The following SYAP1 variants were observed in gnomAD, a reference collection of about 807,000 sequenced individuals.
SYAP1 encodes synapse associated protein 1.
A neutral mutation model predicts 29.6 loss-of-function variants in SYAP1; 3 were observed. That is an observed-to-expected ratio of 0.10 (90% CI 0.05 to 0.26). The LOEUF is 0.26. Ranked by LOEUF, SYAP1 falls within the 10% of genes least tolerant of loss-of-function variation. The pLI, the probability that SYAP1 is intolerant of heterozygous loss-of-function variation, is 1.00. For synonymous variants in SYAP1, 102 were observed against 102.7 expected (o/e 0.99, Z 0.04); for missense variants, 217 against 264.1 (o/e 0.82, Z 1.24).
At position 16,755,042 on chromosome X, in the gene SYAP1, G is replaced by A. The variant is rs772710627; in HGVS notation, c.673G>A (p.Ala225Thr). The A allele has an allele frequency of 1.8e-5, 22 of 1,209,791 alleles. No individual in the cohort carries two copies. Among genetic ancestry groups the A allele is most frequent in the Middle Eastern group, 2.3e-4 (1 of 4,371 alleles). ...GGCCCTGGCTGCCCAACAGCAGGCC[G>A]CAGGGAAGGAGGAGAAGAGCAATGG... ...LTALAAQQQA[A>T]GKEEKSNGRE... The change falls in exon 6 of 9, where the codon GCA (alanine) becomes ACA (threonine). Residue 225 changes from alanine to threonine, a missense_variant. Physicochemically the swap from Ala to Thr is moderately conservative, Grantham distance 58 (BLOSUM62 0). Transcript: ENST00000380155.
At chrX:16,742,779 A>G (rs1159596942) in intron 4 of SYAP1, among the ~76,000 whole-genome samples, 1 of 109,264 alleles carries the variant, frequency 9.2e-6, no homozygotes, top group Non-Finnish European at 1.9e-5. Flanking sequence ...ATGCCCAGCT[A>G]ATTTTTAAAA....
chrX:16,755,984 G>A (rs1926833700), intron 6 of SYAP1, among the ~76,000 whole-genome samples: 1 of 111,390 alleles, frequency 9.0e-6, no homozygotes, highest in East Asian at 2.8e-4. Context: ...ACTGCTGTTA[G>A]TGTCAGGGAA....
chrX:16,740,659 C>CT (rs1926439810), intron 3 of SYAP1, among the ~76,000 whole-genome samples: 1 of 111,259 alleles, frequency 9.0e-6, no homozygotes, highest in Non-Finnish European at 1.9e-5. Context: ...TGTGTGTGCC[C>CT]TTTTTTTCCT....
chrX:16,724,787 C>T (rs765432527), intron 1 of SYAP1, among the ~76,000 whole-genome samples: 1 of 111,944 alleles, frequency 8.9e-6, no homozygotes, highest in East Asian at 2.8e-4. Context: ...TTGCAGGTGT[C>T]CCCTTAAATT....
At chrX:16,731,345 G>GCAGT (rs1261271625) in intron 1 of SYAP1, among the ~76,000 whole-genome samples, 3 of 111,602 alleles carry the variant, frequency 2.7e-5, no homozygotes, top group Non-Finnish European at 5.6e-5. Flanking sequence ...TATGAAAACT[G>GCAGT]CAGTAGTCAT....
At chrX:16,746,424 A>G (rs1475622736) in intron 5 of SYAP1, among the ~76,000 whole-genome samples, 5 of 109,118 alleles carry the variant, frequency 4.6e-5, no homozygotes, top group Middle Eastern at 4.7e-3. Context: ...TTTAGTAGAG[A>G]TGGGGTTTCA....
chrX:16,729,686 G>C (rs1926165602), intron 1 of SYAP1, among the ~76,000 whole-genome samples: 1 of 110,530 alleles, frequency 9.0e-6, no homozygotes, highest in African/African-American at 3.3e-5. Flanking sequence ...GTTTCACAAT[G>C]TTGGCCAGGC....
intron 1 of SYAP1, among the ~76,000 whole-genome samples, chrX:16,731,616 TAAACCAA>T (rs1215966469): frequency 8.9e-6 from 1 of 112,032 alleles, no homozygotes; most frequent in Admixed American, 9.6e-5. Context: ...CTATCTTCAT[TAAACCAA>T]TATCAGTGTT....
At chrX:16,739,952 T>C (rs186111063) in intron 3 of SYAP1, among the ~76,000 whole-genome samples, 95 of 111,428 alleles carry the variant, frequency 8.5e-4, no homozygotes, top group African/African-American at 3.0e-3. Context: ...CCCCTGCCTG[T>C]GTGTCTTCTG....
intron 5 of SYAP1, among the ~76,000 whole-genome samples, chrX:16,754,596 C>T (rs111826302): frequency 0.067 from 7,351 of 110,211 alleles, 610 homozygotes; most frequent in African/African-American, 0.23. Flanking sequence ...TGCATGGTGG[C>T]GGGCACCTAT....
At chrX:16,721,121 G>A (rs886566026) in intron 1 of SYAP1, among the ~76,000 whole-genome samples, 3 of 92,912 alleles carry the variant, frequency 3.2e-5, no homozygotes, top group African/African-American at 1.2e-4. Context: ...ACTAAGTTCA[G>A]CAACATTTGA....
intron 5 of SYAP1, among the ~76,000 whole-genome samples, chrX:16,744,075 A>G (rs1000839559): frequency 1.8e-5 from 2 of 112,168 alleles, no homozygotes; most frequent in Non-Finnish European, 3.8e-5. Context: ...GGTAGAACAC[A>G]TTTCCCTACA....
In SYAP1 at chrX:16,742,143, G is replaced by GTTTTTTTTTTTTTTTTTT. The variant is rs144175479; in HGVS notation, c.435+363_435+380dup. Reference sequence around the variant, plus strand: ...ACCATGCCCAGCTAATTTTTGTGTGGTTTTTTTTTTTTTTTTTTTTTTTTT... The same window carrying GTTTTTTTTTTTTTTTTTT: ...ACCATGCCCAGCTAATTTTTGTGTGGTTTTTTTTTTTTTTTTTTTTTTTTTTTTTTTTTTTTTTTTTTT... On this transcript the variant is annotated intron_variant, in intron 4 of 8. Coordinates refer to ENST00000380155, the MANE Select transcript of SYAP1 (RefSeq NM_032796.4). Among the ~76,000 whole-genome samples the GTTTTTTTTTTTTTTTTTT allele has an allele frequency of 4.1e-4, 17 of 41,863 alleles. 2 individuals carry two copies. Among genetic ancestry groups the GTTTTTTTTTTTTTTTTTT allele is most frequent in the African/African-American group, 2.3e-3 (17 of 7,531 alleles). 36.4% of individuals were successfully genotyped at this position (41,863 alleles called of 115,157 possible).
intron 5 of SYAP1, among the ~76,000 whole-genome samples, chrX:16,752,588 T>G (rs745948669): frequency 3.6e-5 from 4 of 109,850 alleles, no homozygotes; most frequent in Non-Finnish European, 7.6e-5. Flanking sequence ...ACCATCTCAC[T>G]CTCAGACCCC....
intron 1 of SYAP1, among the ~76,000 whole-genome samples, chrX:16,734,385 CAAAAA>C (rs761468112): frequency 2.0e-5 from 1 of 49,186 alleles, no homozygotes; most frequent in Admixed American, 2.7e-4. Flanking sequence ...GACTTCATCT[CAAAAA>C]AAAAAAAAAA....
chrX:16,754,833 C>T, intron 5 of SYAP1, 112 bp from the exon 6 acceptor site: 1 of 727,223 alleles, frequency 1.4e-6, no homozygotes. Flanking sequence ...CAACAAATAA[C>T]CCCTGCGTGC....
rs1233519180 is a variant in SYAP1, at chrX:16,760,761, T to G, written c.*402T>G. 1 of 112,556 alleles carries G rather than the reference T, an allele frequency of 8.9e-6. No individual in the cohort carries two copies. The highest frequency in any genetic ancestry group is 3.2e-5 in the African/African-American group (1 of 30,773). 9.3% of individuals were successfully genotyped at this position (112,556 alleles called of 1,213,427 possible). ...GATATGAGGGTGTTAAAGTACCTAC[T>G]TAATGGGTTGATTACTATCAAAATG... On this transcript the variant is annotated 3_prime_UTR_variant, in exon 9 of 9. Transcript: ENST00000380155.
At chrX:16,757,805 G>C (rs1926882311) in intron 8 of SYAP1, among the ~76,000 whole-genome samples, 1 of 108,588 alleles carries the variant, frequency 9.2e-6, no homozygotes, top group Non-Finnish European at 1.9e-5. Flanking sequence ...TCGGGAGGAA[G>C]CTGAGATGGG....
At chrX:16,751,637 TTG>T (rs1264435770) in intron 5 of SYAP1, among the ~76,000 whole-genome samples, 1 of 109,132 alleles carries the variant, frequency 9.2e-6, no homozygotes, top group African/African-American at 3.3e-5. Context: ...GTGTACATGT[TTG>T]TGTGCATGTA....
Sources: gnomAD v4.1 joint callset for allele counts (sites outside exome capture counted in the v4.1 genomes callset) on GRCh38, gnomAD v4.1.1 for gene constraint, MANE v1.5 for transcripts, NCBI Gene and HGNC (gene_info 2026-07-23, HGNC 2026-07-21) for gene names.